The following COL9A1 variants were observed in gnomAD, a reference collection of about 807,000 sequenced individuals.
The protein encoded by COL9A1 is collagen type IX alpha 1 chain.
COL9A1 carries 104 observed loss-of-function variants against 142.6 expected under a neutral mutation model. The observed-to-expected ratio is 0.73, with a 90% CI of 0.62 to 0.86. COL9A1 has a LOEUF of 0.86. Ranked by LOEUF, COL9A1 falls within the 40% of genes least tolerant of loss-of-function variation. The pLI, the probability that COL9A1 is intolerant of heterozygous loss-of-function variation, is 0.00. For missense variants in COL9A1, 1,210 were observed against 1,176.6 expected, an observed-to-expected ratio of 1.03 and a Z score of -0.42; for synonymous variants, 466 against 396.0, an observed-to-expected ratio of 1.18 and a Z score of -2.10.
Position 70,254,499 on chromosome 6 carries a change from C to G in COL9A1, c.1696G>C (p.Asp566His). The part of the protein sequence containing the change: ...GEPGKPGPPG[D>H]AGLQGLPGVP... ...ACTGGTAACCCCTGCAATCCTGCAT[C>G]ACCAGGAGGCCCAGGTTTTCCTGGT... The change falls in exon 25 of 38, where the codon GAT becomes CAT. Residue 566 changes from aspartate (D) to histidine (H), a missense_variant. Transcript: ENST00000357250. 1 of 1,614,154 alleles carries G rather than the reference C, an allele frequency of 6.2e-7. No homozygotes were observed. The highest frequency in any genetic ancestry group is 8.5e-7 in the Non-Finnish European group (1 of 1,179,990).
chr6:70,264,515 T>C (rs562186096), intron 18 of COL9A1, among the ~76,000 whole-genome samples: 1 of 152,136 alleles, frequency 6.6e-6, no homozygotes, highest in Non-Finnish European at 1.5e-5. Flanking sequence ...GCACAGATAA[T>C]CATCATGTGT....
At chr6:70,243,459 T>C (rs915200421) in intron 28 of COL9A1, among the ~76,000 whole-genome samples, 7 of 152,222 alleles carry the variant, frequency 4.6e-5, no homozygotes, top group African/African-American at 1.4e-4. Flanking sequence ...AAGAAACACA[T>C]GAACTTTTCA....
intron 5 of COL9A1, 50 bp from the exon 6 acceptor site, chr6:70,283,870 C>T (rs1394446171): frequency 1.5e-6 from 2 of 1,352,758 alleles, no homozygotes; most frequent in Admixed American, 1.9e-5. Context: ...ACGACTGAAG[C>T]TGGTCATTCA....
At chr6:70,255,435 T>A in intron 21 of COL9A1, 45 bp from the exon 22 acceptor site, 1 of 1,520,950 alleles carries the variant, frequency 6.6e-7, no homozygotes, top group Non-Finnish European at 9.1e-7. Context: ...AAGTTACTTA[T>A]TAATCAACTT....
At chr6:70,253,274 AG>A (rs1771067018) in intron 26 of COL9A1, 110 bp downstream of exon 26, 1 of 732,366 alleles carries the variant, frequency 1.4e-6, no homozygotes, top group South Asian at 1.8e-5. Flanking sequence ...ATTTCTCCCT[AG>A]GGCCAAATAT....
intron 33 of COL9A1, among the ~76,000 whole-genome samples, chr6:70,236,856 T>G (rs1042305676): frequency 6.6e-6 from 1 of 151,986 alleles, no homozygotes; most frequent in Admixed American, 6.6e-5. Flanking sequence ...AGTTTTGCTC[T>G]TGTTGCCCAG....
intron 6 of COL9A1, 26 bp downstream of exon 6, chr6:70,283,711 C>G (rs538316927): frequency 1.3e-6 from 2 of 1,582,198 alleles, no homozygotes; most frequent in Non-Finnish European, 1.7e-6. Flanking sequence ...GTAGAAGTGG[C>G]CTTTGCAGGT....
At chr6:70,241,222 T>G (rs1770235942) in intron 31 of COL9A1, among the ~76,000 whole-genome samples, 197 bp downstream of exon 31, 1 of 152,214 alleles carries the variant, frequency 6.6e-6, no homozygotes, top group Non-Finnish European at 1.5e-5. Context: ...AGAGCCATCT[T>G]TAGCTCCAGC....
intron 37 of COL9A1, among the ~76,000 whole-genome samples, chr6:70,218,121 C>T (rs1221268810): frequency 1.3e-5 from 2 of 151,964 alleles, no homozygotes; most frequent in African/African-American, 2.4e-5. Flanking sequence ...CCAGCCTGGG[C>T]GATAGAACAA....
At chr6:70,226,576 T>A (rs1395552114) in intron 36 of COL9A1, among the ~76,000 whole-genome samples, 1 of 152,042 alleles carries the variant, frequency 6.6e-6, no homozygotes, top group Non-Finnish European at 1.5e-5. Context: ...ATTTTATATA[T>A]ATTAACACAA....
rs574616014 is a variant in COL9A1 at position 70,231,849 on chromosome 6, A to T, written c.2503+734T>A. Among the ~76,000 whole-genome samples, 3 of 152,290 alleles carry T rather than the reference A, an allele frequency of 2.0e-5. No homozygotes were observed. The South Asian group carries it at 6.2e-4, about 32-fold the overall frequency. ...GTCCTCTCTGTAAATTATCCAGGGC[A>T]CATACACCCCAAGCTGATATACTTA... On this transcript the variant is annotated intron_variant, in intron 36 of 37. Transcript: ENST00000357250.
intron 31 of COL9A1, 59 bp downstream of exon 31, chr6:70,241,360 C>T: frequency 1.5e-6 from 2 of 1,358,012 alleles, no homozygotes; most frequent in Non-Finnish European, 2.1e-6. Context: ...TTCCCCCTTG[C>T]TTGTGAAATG....
intron 23 of COL9A1, 64 bp from the exon 24 acceptor site, chr6:70,255,080 T>C: frequency 6.2e-7 from 1 of 1,613,286 alleles, no homozygotes; most frequent in Non-Finnish European, 8.5e-7. Context: ...CCCTTCATTA[T>C]TTTCTAAAGT....
At chr6:70,255,833 CG>C (rs1318643867) in intron 21 of COL9A1, among the ~76,000 whole-genome samples, 23 of 49,060 alleles carry the variant, frequency 4.7e-4, no homozygotes, top group Non-Finnish European at 1.1e-4. Context: ...TGTTGATATA[CG>C]TGATATACGC....
chr6:70,229,002 A>C (rs1260502909), intron 36 of COL9A1, among the ~76,000 whole-genome samples: 1 of 152,130 alleles, frequency 6.6e-6, no homozygotes, highest in Non-Finnish European at 1.5e-5. Flanking sequence ...TATGAGATGA[A>C]GATTATAAAT....
chr6:70,245,344 A>G lies in COL9A1; in HGVS notation c.1873-2629T>C, dbSNP rs111480729. On this transcript the variant is annotated intron_variant, in intron 28 of 37. Coordinates refer to ENST00000357250, the MANE Select transcript of COL9A1 (RefSeq NM_001851.6). ...CACATTCCTCAGGGAGTAATTAAGCATGTGGGAGTTATTTATATCCTACTG... is the reference window on the plus strand; with the variant it reads ...CACATTCCTCAGGGAGTAATTAAGCGTGTGGGAGTTATTTATATCCTACTG... 6.4e-3 allele frequency among the ~76,000 whole-genome samples: 981 copies of G among 152,334 alleles called. 4 individuals carry two copies. Among genetic ancestry groups the G allele is most frequent in the Non-Finnish European group, 0.01 (687 of 68,026 alleles).
intron 36 of COL9A1, among the ~76,000 whole-genome samples, chr6:70,226,287 G>A (rs1330568677): frequency 6.6e-6 from 1 of 152,030 alleles, no homozygotes; most frequent in East Asian, 1.9e-4. Flanking sequence ...AAGAACCAAT[G>A]GCCACTTCCT....
At chr6:70,268,027 T>C (rs1772143758) in intron 17 of COL9A1, among the ~76,000 whole-genome samples, 1 of 152,192 alleles carries the variant, frequency 6.6e-6, no homozygotes, top group Non-Finnish European at 1.5e-5. Flanking sequence ...AATTTGGTAT[T>C]TATTTTTTGT....
chr6:70,294,386 T>C lies in COL9A1; in HGVS notation c.477A>G (p.Gly159=), dbSNP rs2127605099. Reference sequence around the variant, plus strand: ...CTGCTGTTTGGAGACTTCCATCCAGTCCCTTGTATGAAAATACAACAGATT... The same window carrying C: ...CTGCTGTTTGGAGACTTCCATCCAGCCCCTTGTATGAAAATACAACAGATT... The part of the protein sequence containing the change: ...QTQSVVFSYK[G]LDGSLQTAAF... Residue 159 remains glycine, a synonymous_variant, in exon 5 of 38, where the codon GGA becomes GGG. Coordinates refer to ENST00000357250, the MANE Select transcript of COL9A1 (RefSeq NM_001851.6). 1 of 1,614,074 alleles carries C rather than the reference T, an allele frequency of 6.2e-7. No individual in the cohort carries two copies. Among genetic ancestry groups the C allele is most frequent in the Non-Finnish European group, 8.5e-7 (1 of 1,179,966 alleles).
Sources: allele counts gnomAD v4.1 joint callset (sites outside exome capture counted in the v4.1 genomes callset), GRCh38; gene constraint gnomAD v4.1.1; transcripts MANE v1.5; gene names NCBI Gene and HGNC (gene_info 2026-07-23, HGNC 2026-07-21).